Variants in TTC28 observed in about 807,000 individuals in gnomAD.
TTC28 encodes the protein tetratricopeptide repeat domain 28.
Under a neutral mutation model 198.0 loss-of-function variants are expected in TTC28, and 61 were observed. The ratio of observed to expected loss-of-function variants is 0.31; its 90% CI spans 0.25 to 0.38. The LOEUF (loss-of-function observed/expected upper bound fraction) is 0.38. TTC28 is among the 10% of genes least tolerant of loss of function. TTC28 has a pLI of 1.00. For missense variants in TTC28, 2,678 were observed against 3,164.0 expected, an observed-to-expected ratio of 0.85 and a Z score of 3.69; for synonymous variants, 1,171 against 1,297.8, an observed-to-expected ratio of 0.90 and a Z score of 2.10.
intron 12 of TTC28, among the ~76,000 whole-genome samples, chr22:28,064,868 T>C (rs1344715992): frequency 1.3e-5 from 2 of 152,120 alleles, no homozygotes; most frequent in Admixed American, 6.5e-5. Context: ...GAAAAAGAGA[T>C]GGGAGGGAGA....
At chr22:28,426,211 C>CA (rs34448246) in intron 2 of TTC28, among the ~76,000 whole-genome samples, 1,728 of 85,418 alleles carry the variant, frequency 0.02, 26 homozygotes, top group African/African-American at 0.049. Context: ...GACTCCACGT[C>CA]AAAAAAAAAA....
Position 28,094,099 on chromosome 22 carries a change from C to A in TTC28, c.3913G>T (p.Val1305Leu), listed in dbSNP as rs1941898365. ...HIASVREALGVESHYSRACAS... is the reference protein window; with the variant it reads ...HIASVREALGLESHYSRACAS... ...ACCTACCTTGAGTAGTGAGACTCCA[C>A]CCCCAGGGCCTCCCGGACACTGGCA... Residue 1305 changes from valine to leucine, a missense_variant, in exon 12 of 23, where the codon GTG becomes TTG. This residue lies in a region of TTC28 where 727 missense variants were observed against 861.9 expected (regional missense o/e 0.84). Transcript: ENST00000397906. 3 of 1,548,726 alleles carry A rather than the reference C, an allele frequency of 1.9e-6. No homozygotes were observed. Among genetic ancestry groups the A allele is most frequent in the East Asian group, 2.4e-5 (1 of 40,894 alleles).
At chr22:28,441,207 C>T (rs1467774318) in intron 2 of TTC28, among the ~76,000 whole-genome samples, 1 of 152,132 alleles carries the variant, frequency 6.6e-6, no homozygotes, top group East Asian at 1.9e-4. Context: ...CAGACATAAC[C>T]ACATGAGTTA....
chr22:28,110,789 G>T (rs1942459593), intron 6 of TTC28, among the ~76,000 whole-genome samples: 1 of 151,968 alleles, frequency 6.6e-6, no homozygotes, highest in Admixed American at 6.6e-5. Flanking sequence ...TAAAAAATTA[G>T]CTGGGCATGG....
At chr22:28,047,218 G>A (rs1342432811) in intron 12 of TTC28, among the ~76,000 whole-genome samples, 3 of 152,200 alleles carry the variant, frequency 2.0e-5, no homozygotes, top group Admixed American at 6.5e-5. Flanking sequence ...GCACCCTGAA[G>A]TCAGGGGAGA....
rs148056828 is a variant in TTC28, at chr22:28,387,701, T to G, written c.382-81058A>C. ...CTTTTTGATGGGGTTGTTTGTGTTT[T>G]TCTTCTAAATTTGTTTGAGGTCATT... is the stretch of plus-strand genomic sequence containing the variant. On this transcript the variant is annotated intron_variant, in intron 2 of 22. Transcript: ENST00000397906. 6.4e-3 allele frequency among the ~76,000 whole-genome samples: 975 copies of G among 152,368 alleles called. 47 individuals carry two copies. In the East Asian group the frequency reaches 0.12, roughly 19 times the overall value.
At chr22:28,283,497 A>G (rs530834361) in intron 5 of TTC28, among the ~76,000 whole-genome samples, 4 of 152,164 alleles carry the variant, frequency 2.6e-5, no homozygotes, top group African/African-American at 2.4e-5. Context: ...ATCAAAAATC[A>G]TCTAATTAAT....
intron 5 of TTC28, among the ~76,000 whole-genome samples, chr22:28,201,372 G>T (rs868407117): frequency 6.6e-6 from 1 of 152,084 alleles, no homozygotes; most frequent in African/African-American, 2.4e-5. Flanking sequence ...CTGGAGAAGG[G>T]CAGCTGAGGT....
At chr22:28,077,507 A>G (rs972651324) in intron 12 of TTC28, among the ~76,000 whole-genome samples, 11 of 152,200 alleles carry the variant, frequency 7.2e-5, no homozygotes, top group Non-Finnish European at 8.8e-5. Context: ...TGGTTATGCC[A>G]ATTTACTCTT....
At chr22:28,287,002 G>T (rs2044698005) in intron 5 of TTC28, among the ~76,000 whole-genome samples, 1 of 152,112 alleles carries the variant, frequency 6.6e-6, no homozygotes, top group African/African-American at 2.4e-5. Context: ...TTTAGCAGAG[G>T]AAAGGAGAAC....
rs1362317722 is a variant in TTC28, at chr22:27,979,646, C to CA, written c.*2574dup. On this transcript the variant is annotated 3_prime_UTR_variant, in exon 23 of 23. Transcript: ENST00000397906. ...GTCTTAGCCTGTGGGTCATAGTTGC[C>CA]AACCCCTGATCTACACAAAGAAATC... is the stretch of plus-strand genomic sequence containing the variant. The CA allele has an allele frequency of 8.4e-6, 1 of 118,530 alleles. No homozygotes were observed. The highest frequency in any genetic ancestry group is 1.9e-5 in the Non-Finnish European group (1 of 53,188). The allele number at this position is 118,530 out of a possible 1,614,324, so 7.3% of individuals were successfully genotyped here. A position where few individuals can be genotyped will look rare whatever the true frequency, so the allele number is the denominator to read the frequency against.
At chr22:28,188,343 G>C (rs1924398709) in intron 5 of TTC28, among the ~76,000 whole-genome samples, 1 of 152,118 alleles carries the variant, frequency 6.6e-6, no homozygotes. Context: ...AGAGAAAACG[G>C]AAACCAAACT....
intron 2 of TTC28, among the ~76,000 whole-genome samples, chr22:28,597,751 T>C (rs890977470): frequency 1.3e-5 from 2 of 152,142 alleles, no homozygotes; most frequent in Non-Finnish European, 2.9e-5. Flanking sequence ...AAACTTAAAT[T>C]TGAGAATAGC....
intron 5 of TTC28, among the ~76,000 whole-genome samples, chr22:28,284,345 G>T (rs531630738): frequency 2.0e-5 from 3 of 152,108 alleles, no homozygotes; most frequent in African/African-American, 7.2e-5. Flanking sequence ...AGGGATCACC[G>T]AGGGCCACAG....
In TTC28 at chr22:27,983,576, G is replaced by T. The variant is rs1312122234; in HGVS notation, c.6091C>A (p.Leu2031Met). Reference sequence around the variant, plus strand: ...CTCCTAGGCAGGGTGGATCTCTGCAGGTAAGCGTTCTTGGACCGGTCATGG... The same window carrying T: ...CTCCTAGGCAGGGTGGATCTCTGCATGTAAGCGTTCTTGGACCGGTCATGG... ...QDHDRSKNAY[L>M]QRSTLPRSQL... Residue 2031 changes from leucine to methionine, a missense_variant, in exon 23 of 23, where the codon CTG becomes ATG. By Grantham distance (15) the Leu-to-Met change is conservative. Around this residue, in one of 8 missense-constraint regions of TTC28, gnomAD observed 622 missense variants for 656.0 expected, o/e 0.95. Transcript: ENST00000397906. 6.4e-7 allele frequency: 1 copy of T among 1,551,260 alleles called. No individual in the cohort carries two copies. The highest frequency in any genetic ancestry group is 2.0e-5 in the Admixed American group (1 of 50,906).
At chr22:28,446,448 G>C (rs951517912) in intron 2 of TTC28, among the ~76,000 whole-genome samples, 1 of 152,122 alleles carries the variant, frequency 6.6e-6, no homozygotes, top group African/African-American at 2.4e-5. Context: ...AATGTCAGAG[G>C]TGGGGCCTGG....
intron 6 of TTC28, among the ~76,000 whole-genome samples, chr22:28,149,884 A>C (rs532805545): frequency 6.6e-6 from 1 of 152,336 alleles, no homozygotes; most frequent in South Asian, 2.1e-4. Flanking sequence ...CTAAAAGGGT[A>C]GATTTTAAAT....
chr22:28,072,507 T>C (rs1941030580), intron 12 of TTC28, among the ~76,000 whole-genome samples: 1 of 152,210 alleles, frequency 6.6e-6, no homozygotes, highest in Non-Finnish European at 1.5e-5. Context: ...CTATGTATTG[T>C]GTACCCAGAC....
intron 2 of TTC28, among the ~76,000 whole-genome samples, chr22:28,505,850 C>T (rs1312254383): frequency 6.6e-6 from 1 of 152,198 alleles, no homozygotes; most frequent in Non-Finnish European, 1.5e-5. Flanking sequence ...GAATTCCAGC[C>T]GCCAAACAGC....
Sources: allele counts gnomAD v4.1 joint callset (sites outside exome capture counted in the v4.1 genomes callset), GRCh38; gene constraint gnomAD v4.1.1; regional missense constraint gnomAD v4.1.1; transcripts MANE v1.5; gene names NCBI Gene and HGNC (gene_info 2026-07-23, HGNC 2026-07-21).